The following SAMD5 variants were observed in gnomAD, a reference collection of about 807,000 sequenced individuals.
SAMD5 encodes sterile alpha motif domain containing 5, also known as sterile alpha motif domain-containing protein 5.
SAMD5 carries 13 observed loss-of-function variants against 11.3 expected under a neutral mutation model. That is an observed-to-expected ratio of 1.15 (90% CI 0.75 to 1.83). The LOEUF is 1.83. Among genes scored for constraint, SAMD5 ranks in the 40% most tolerant of loss-of-function variants. SAMD5 has a pLI of 0.00. For synonymous variants in SAMD5, 129 were observed against 111.3 expected, an observed-to-expected ratio of 1.16 and a Z score of -1.00; for missense variants, 255 against 239.1, an observed-to-expected ratio of 1.07 and a Z score of -0.44.
intron 1 of SAMD5, among the ~76,000 whole-genome samples, chr6:147,558,216 T>C (rs763203611): frequency 1.3e-5 from 2 of 152,110 alleles, no homozygotes; most frequent in Non-Finnish European, 1.5e-5. Flanking sequence ...GTGGAATAGG[T>C]TGATGAGAGA....
At chr6:147,760,307 T>C in the SAMD5 span, among the ~76,000 whole-genome samples, 1 of 152,126 alleles carries the variant, frequency 6.6e-6, no homozygotes, top group Non-Finnish European at 1.5e-5. Flanking sequence ...CTAACAATAG[T>C]TTTGTATGAA....
chr6:147,861,330 A>G, the SAMD5 span, among the ~76,000 whole-genome samples: 1 of 151,898 alleles, frequency 6.6e-6, no homozygotes. Context: ...CTGCCCGGCT[A>G]ATTTTTTGTA....
At chr6:147,695,748 G>GT (rs1346466118) in intron 1 of SAMD5, among the ~76,000 whole-genome samples, 6 of 152,156 alleles carry the variant, frequency 3.9e-5, no homozygotes, top group African/African-American at 1.4e-4. Flanking sequence ...CCAGACAGAA[G>GT]TAAGAGCCAG....
At chr6:147,830,546 G>A in the SAMD5 span, among the ~76,000 whole-genome samples, 7 of 151,988 alleles carry the variant, frequency 4.6e-5, no homozygotes, top group South Asian at 8.3e-4. Flanking sequence ...ATGAGCCACC[G>A]CGCCCGGCCC....
At chr6:147,510,610 C>T (rs1285515754) in intron 1 of SAMD5, among the ~76,000 whole-genome samples, 4 of 152,132 alleles carry the variant, frequency 2.6e-5, no homozygotes, top group African/African-American at 9.7e-5. Flanking sequence ...GCTGTAATGC[C>T]TGGAGTTAAG....
the SAMD5 span, among the ~76,000 whole-genome samples, chr6:147,923,517 T>A: frequency 6.6e-6 from 1 of 152,194 alleles, no homozygotes; most frequent in African/African-American, 2.4e-5. Flanking sequence ...ATTTAGCACT[T>A]CACAATTTAC....
chr6:147,778,261 C>T, the SAMD5 span, among the ~76,000 whole-genome samples: 3 of 152,162 alleles, frequency 2.0e-5, no homozygotes, highest in Non-Finnish European at 4.4e-5. Flanking sequence ...CCATCTATTT[C>T]TATCCCTTTG....
chr6:147,544,671 G>T (rs1307135311), intron 1 of SAMD5, among the ~76,000 whole-genome samples: 2 of 152,216 alleles, frequency 1.3e-5, no homozygotes, highest in Non-Finnish European at 1.5e-5. Flanking sequence ...CAGTGGGATG[G>T]GAAGTGATGT....
rs1182899869 is a variant in SAMD5, at chr6:147,570,011, C to G, written c.*5555C>G. ...GTCCGCTCTTCAATAAATGTTACGGCTTTCACAGCGGTTCCGCCTTGGCCT... is the reference window on the plus strand; with the variant it reads ...GTCCGCTCTTCAATAAATGTTACGGGTTTCACAGCGGTTCCGCCTTGGCCT... On this transcript the variant is annotated 3_prime_UTR_variant, in exon 2 of 2. Coordinates refer to ENST00000367474, the MANE Select transcript of SAMD5 (RefSeq NM_001030060.3). 1 of 985,394 alleles carries G rather than the reference C, an allele frequency of 1.0e-6. No individual in the cohort carries two copies. The highest frequency in any genetic ancestry group is 1.2e-6 in the Non-Finnish European group (1 of 829,890). 61.0% of individuals were successfully genotyped at this position (985,394 alleles called of 1,614,324 possible).
chr6:147,843,132 G>T, the SAMD5 span, among the ~76,000 whole-genome samples: 7 of 152,150 alleles, frequency 4.6e-5, no homozygotes, highest in African/African-American at 1.7e-4. Context: ...CCAAAGTGCT[G>T]GGATTACAGG....
At chr6:147,712,917 C>T (rs1292197102) in intron 1 of SAMD5, among the ~76,000 whole-genome samples, 1 of 152,056 alleles carries the variant, frequency 6.6e-6, no homozygotes, top group Non-Finnish European at 1.5e-5. Flanking sequence ...TTTATTGGTT[C>T]CTATTAGTGA....
In SAMD5 at chr6:147,737,484, T is replaced by C. The variant is rs895014806; in HGVS notation, c.*36T>C. On this transcript the variant is annotated 3_prime_UTR_variant, in exon 2 of 2. Transcript: ENST00000566741. ...ATTGTGTGTTGTTTTGCCAGAATAC[T>C]GAAGGCAGTGTTTGTATGATGGCAC... The C allele has an allele frequency of 2.9e-5, 12 of 408,258 alleles. 1 individual carries two copies. The highest frequency in any genetic ancestry group is 2.4e-4 in the African/African-American group (12 of 49,090). The allele number at this position is 408,258 out of a possible 1,614,324, so 25.3% of individuals were successfully genotyped here. A position where few individuals can be genotyped will look rare whatever the true frequency, so the allele number is the denominator to read the frequency against.
chr6:147,604,977 G>C (rs1234245988), intron 1 of SAMD5, among the ~76,000 whole-genome samples: 1 of 152,008 alleles, frequency 6.6e-6, no homozygotes, highest in Non-Finnish European at 1.5e-5. Context: ...TATATATGAG[G>C]GATAATCAGA....
At chr6:147,791,533 G>A in the SAMD5 span, among the ~76,000 whole-genome samples, 3 of 152,078 alleles carry the variant, frequency 2.0e-5, no homozygotes, top group Non-Finnish European at 4.4e-5. Context: ...ACTCATAACT[G>A]TTAGACCTAT....
At chr6:147,942,238 G>A in the SAMD5 span, among the ~76,000 whole-genome samples, 11 of 152,278 alleles carry the variant, frequency 7.2e-5, no homozygotes, top group South Asian at 1.4e-3. Flanking sequence ...ATTTGAGGCA[G>A]TGCAGTGGGA....
chr6:147,534,089 G>A (rs1788470580), intron 1 of SAMD5, among the ~76,000 whole-genome samples: 1 of 152,164 alleles, frequency 6.6e-6, no homozygotes, highest in South Asian at 2.1e-4. Flanking sequence ...CTCCCACAGT[G>A]TGGACATGAC....
chr6:147,755,018 C>T, the SAMD5 span, among the ~76,000 whole-genome samples: 2 of 151,918 alleles, frequency 1.3e-5, no homozygotes, highest in Non-Finnish European at 2.9e-5. Flanking sequence ...TTATTCTTTT[C>T]GCTTAGGATA....
At chr6:147,874,996 AT>A in the SAMD5 span, among the ~76,000 whole-genome samples, 1 of 151,982 alleles carries the variant, frequency 6.6e-6, no homozygotes, top group Non-Finnish European at 1.5e-5. Flanking sequence ...TTAATTGCCT[AT>A]TTCCGCATGT....
At chr6:147,674,887 C>T (rs1038324757) in intron 1 of SAMD5, among the ~76,000 whole-genome samples, 29 of 152,152 alleles carry the variant, frequency 1.9e-4, no homozygotes, top group African/African-American at 6.3e-4. Context: ...TTTCTTCCAC[C>T]ACCACACCTG....
Sources: allele counts gnomAD v4.1 joint callset (sites outside exome capture counted in the v4.1 genomes callset), GRCh38; gene constraint gnomAD v4.1.1; transcripts MANE v1.5; gene names NCBI Gene and HGNC (gene_info 2026-07-23, HGNC 2026-07-21).